SPOCK3: variants seen among roughly 807,000 people sequenced by gnomAD.
The protein encoded by SPOCK3 is testican-3.
SPOCK3 carries 30 observed loss-of-function variants against 56.6 expected under a neutral mutation model. That is an observed-to-expected ratio of 0.53 (90% confidence interval 0.40 to 0.72). SPOCK3 has a LOEUF of 0.72. Among genes scored for constraint, SPOCK3 ranks in the 30% least tolerant of loss-of-function variants. The pLI, the probability that SPOCK3 is intolerant of heterozygous loss-of-function variation, is 0.00. For synonymous variants in SPOCK3, 196 were observed against 183.3 expected (o/e 1.07, Z -0.56); for missense variants, 527 against 530.0 (o/e 0.99, Z 0.06).
intron 4 of SPOCK3, among the ~76,000 whole-genome samples, chr4:166,947,666 T>C (rs967438532): frequency 1.3e-5 from 2 of 152,184 alleles, no homozygotes; most frequent in Admixed American, 6.5e-5. Context: ...CCCAGTTTTG[T>C]TGCTTAAAGA....
chr4:167,075,537 C>G (rs1415584627), intron 2 of SPOCK3, among the ~76,000 whole-genome samples: 1 of 151,912 alleles, frequency 6.6e-6, no homozygotes, highest in Non-Finnish European at 1.5e-5. Flanking sequence ...TGTCACATCT[C>G]CAAAAGGCTG....
chr4:166,814,909 G>T (rs917101886), intron 6 of SPOCK3, among the ~76,000 whole-genome samples: 3 of 152,016 alleles, frequency 2.0e-5, no homozygotes, highest in African/African-American at 7.2e-5. Flanking sequence ...TAAAAAGACT[G>T]CATGGTAAAT....
intron 6 of SPOCK3, among the ~76,000 whole-genome samples, chr4:166,827,061 C>A (rs189300374): frequency 6.6e-6 from 1 of 151,980 alleles, no homozygotes; most frequent in Non-Finnish European, 1.5e-5. Flanking sequence ...AAAGGAAGTA[C>A]AGACTCTGTC....
intron 7 of SPOCK3, among the ~76,000 whole-genome samples, chr4:166,791,327 T>G (rs1210372155): frequency 6.6e-6 from 1 of 152,146 alleles, no homozygotes; most frequent in African/African-American, 2.4e-5. Context: ...AAACTGCACT[T>G]TGAGGGTAGC....
chr4:166,989,323 T>C (rs929137132), intron 4 of SPOCK3, among the ~76,000 whole-genome samples: 1 of 152,092 alleles, frequency 6.6e-6, no homozygotes, highest in African/African-American at 2.4e-5. Context: ...TGAATATACT[T>C]TACTCCTCAC....
chr4:167,205,370 T>TAC (rs1561321712), intron 2 of SPOCK3, among the ~76,000 whole-genome samples: 1 of 35,224 alleles, frequency 2.8e-5, no homozygotes, highest in African/African-American at 1.4e-4. Context: ...ATTATATATT[T>TAC]TATATATATA....
chr4:166,797,610 A>C (rs1435050177), intron 6 of SPOCK3, among the ~76,000 whole-genome samples: 1 of 152,072 alleles, frequency 6.6e-6, no homozygotes, highest in Middle Eastern at 3.4e-3. Context: ...TTTACTTTAC[A>C]TGAGTGATGG....
At chr4:166,889,326 A>AAGTGACAAAAATAT in intron 5 of SPOCK3, 82 bp from the exon 6 acceptor site, 1 of 834,354 alleles carries the variant, frequency 1.2e-6, no homozygotes, top group Non-Finnish European at 2.0e-6. Flanking sequence ...AAAGAAAGGT[A>AAGTGACAAAAATAT]ATTTTTGATG....
At chr4:166,961,041 A>T (rs998740919) in intron 4 of SPOCK3, among the ~76,000 whole-genome samples, 1 of 152,202 alleles carries the variant, frequency 6.6e-6, no homozygotes, top group Non-Finnish European at 1.5e-5. Flanking sequence ...ATTGAACTAC[A>T]TGTATTCATA....
At chr4:167,163,467 T>G (rs542042357) in intron 2 of SPOCK3, among the ~76,000 whole-genome samples, 2 of 152,012 alleles carry the variant, frequency 1.3e-5, no homozygotes, top group African/African-American at 2.4e-5. Flanking sequence ...TATTTCTAAA[T>G]GTACAATAAA....
intron 2 of SPOCK3, among the ~76,000 whole-genome samples, chr4:167,074,381 C>T (rs1756979845): frequency 6.6e-6 from 1 of 151,894 alleles, no homozygotes; most frequent in African/African-American, 2.4e-5. Flanking sequence ...ACCAAGGCTG[C>T]CTACTCTTCT....
intron 2 of SPOCK3, among the ~76,000 whole-genome samples, chr4:167,109,341 T>C (rs1291814292): frequency 2.5e-5 from 2 of 78,738 alleles, no homozygotes; most frequent in African/African-American, 1.0e-4. Flanking sequence ...ATTAATATTA[T>C]ATAATAAAAT....
intron 4 of SPOCK3, among the ~76,000 whole-genome samples, chr4:166,962,859 C>A (rs930256206): frequency 6.6e-6 from 1 of 151,808 alleles, no homozygotes; most frequent in Non-Finnish European, 1.5e-5. Context: ...TCTAATAATC[C>A]CAGAATAATT....
At chr4:167,065,330 T>C (rs1012423336) in intron 2 of SPOCK3, among the ~76,000 whole-genome samples, 7 of 151,798 alleles carry the variant, frequency 4.6e-5, no homozygotes, top group African/African-American at 1.7e-4. Context: ...TAGCACATAG[T>C]GTTTGCAACA....
intron 2 of SPOCK3, among the ~76,000 whole-genome samples, chr4:167,207,378 T>G (rs2111000376): frequency 6.6e-6 from 1 of 152,102 alleles, no homozygotes; most frequent in African/African-American, 2.4e-5. Flanking sequence ...AGATTATATA[T>G]TAACAGAATA....
chr4:166,938,306 A>G (rs1410821037), intron 4 of SPOCK3, among the ~76,000 whole-genome samples: 1 of 152,168 alleles, frequency 6.6e-6, no homozygotes, highest in East Asian at 1.9e-4. Context: ...AAATTGATGT[A>G]ATTTTGCCAT....
At chr4:167,205,391 T>TATATATAAAATATATATATTATATA (rs1734090150) in intron 2 of SPOCK3, among the ~76,000 whole-genome samples, 2 of 42,844 alleles carry the variant, frequency 4.7e-5, no homozygotes, top group African/African-American at 2.4e-4. Flanking sequence ...ATATATATAT[T>TATATATAAAATATATATATTATATA]TTATATATAA....
chr4:166,768,354 C>T lies in SPOCK3; in HGVS notation c.710-13625G>A, dbSNP rs1458109582. On this transcript the variant is annotated intron_variant, in intron 7 of 10. Coordinates refer to ENST00000357545, the MANE Select transcript of SPOCK3 (RefSeq NM_001040159.2). ...ATTGTTCCTTCCATGTTTAGTGCTT[C>T]CTTCAGGAGCTCTTGTAGGGCAGGC... Among the ~76,000 whole-genome samples the T allele has an allele frequency of 2.0e-5, 3 of 152,282 alleles. No individual in the cohort carries two copies. In the South Asian group the frequency reaches 6.2e-4, roughly 32 times the overall value.
chr4:166,735,075 A>G lies in SPOCK3; in HGVS notation c.1148T>C (p.Ile383Thr), dbSNP rs769708546. The G allele has an allele frequency of 1.9e-6, 3 of 1,602,854 alleles. No individual in the cohort carries two copies. In the Admixed American group the frequency reaches 5.1e-5, roughly 27 times the overall value. Residue 383 changes from isoleucine (I) to threonine (T), a missense_variant, in exon 11 of 11, where the codon ATC becomes ACC. Coordinates refer to ENST00000357545, the MANE Select transcript of SPOCK3 (RefSeq NM_001040159.2). The part of the protein sequence containing the change: ...GVADCAIDFE[I>T]SGDFASGDFH... ...ATCGCCACTAGCAAAATCTCCGGAG[A>G]TCTCAAAATCTATAGCTTAAAACAA...
Sources: allele counts gnomAD v4.1 joint callset (sites outside exome capture counted in the v4.1 genomes callset), GRCh38; gene constraint gnomAD v4.1.1; transcripts MANE v1.5; gene names NCBI Gene and HGNC (gene_info 2026-07-23, HGNC 2026-07-21).